RNASEH1: variants seen among roughly 807,000 people sequenced by gnomAD.
RNASEH1 encodes the protein ribonuclease H type II.
A neutral mutation model predicts 34.6 loss-of-function variants in RNASEH1; 27 were observed. That is an observed-to-expected ratio of 0.78 (90% CI 0.58 to 1.08). RNASEH1 has a LOEUF of 1.08. Ranked by LOEUF, RNASEH1 falls within the 50% of genes least tolerant of loss-of-function variation. The probability of loss-of-function intolerance (pLI) is 0.00; values close to 1 mark genes in which losing one functional copy is unlikely to be tolerated. For synonymous variants in RNASEH1, 162 were observed against 138.4 expected (o/e 1.17, Z -1.20); for missense variants, 349 against 373.6 (o/e 0.93, Z 0.54).
chr2:3,558,016 C>G lies in RNASEH1; in HGVS notation c.128+117G>C, dbSNP rs1660706930. Reference sequence around the variant, plus strand: ...GAGGCGGTCCCCCGACCACCCACAGCCACAGCGCGCGGCACAGACTCGGAC... The same window carrying G: ...GAGGCGGTCCCCCGACCACCCACAGGCACAGCGCGCGGCACAGACTCGGAC... On this transcript the variant is annotated intron_variant, in intron 1 of 7. Coordinates refer to ENST00000315212, the MANE Select transcript of RNASEH1 (RefSeq NM_002936.6). 3.0e-5 allele frequency: 44 copies of G among 1,483,156 alleles called. No individual in the cohort carries two copies. In the South Asian group the frequency reaches 5.5e-4, roughly 18 times the overall value. The allele number at this position is 1,483,156 out of a possible 1,614,324, so 91.9% of individuals were successfully genotyped here. A position where few individuals can be genotyped will look rare whatever the true frequency, so the allele number is the denominator to read the frequency against.
In RNASEH1 at chr2:3,545,729, A is replaced by G; in HGVS notation, c.*56T>C. 1 of 1,188,384 alleles carries G rather than the reference A, an allele frequency of 8.4e-7. No individual in the cohort carries two copies. Among genetic ancestry groups the G allele is most frequent in the Non-Finnish European group, 1.3e-6 (1 of 791,214 alleles). 73.6% of individuals were successfully genotyped at this position (1,188,384 alleles called of 1,614,324 possible). A position where few individuals can be genotyped will look rare whatever the true frequency, so the allele number is the denominator to read the frequency against. On this transcript the variant is annotated 3_prime_UTR_variant, in exon 8 of 8. Transcript: ENST00000315212. Reference sequence around the variant, plus strand: ...CAGGCTATTTTCCACACCAGTAAGTACAGGCAGCAAGACAGCCGCTGGCTC... The same window carrying G: ...CAGGCTATTTTCCACACCAGTAAGTGCAGGCAGCAAGACAGCCGCTGGCTC...
rs764652306 is a variant in RNASEH1 at position 3,558,297 on chromosome 2, G to A, written c.-37C>T. ...GGCACCGGGAAGCATTTCGACTCCCGGCCCAGCGTGGGCGCGAGCCGCCGG... is the reference window on the plus strand; with the variant it reads ...GGCACCGGGAAGCATTTCGACTCCCAGCCCAGCGTGGGCGCGAGCCGCCGG... On this transcript the variant is annotated 5_prime_UTR_variant, in exon 1 of 8. Coordinates refer to ENST00000315212, the MANE Select transcript of RNASEH1 (RefSeq NM_002936.6). 11 of 1,499,310 alleles carry A rather than the reference G, an allele frequency of 7.3e-6. No homozygotes were observed. The highest frequency in any genetic ancestry group is 4.3e-5 in the African/African-American group (3 of 69,362). 92.9% of individuals were successfully genotyped at this position (1,499,310 alleles called of 1,614,324 possible). A position where few individuals can be genotyped will look rare whatever the true frequency, so the allele number is the denominator to read the frequency against.
chr2:3,533,042 C>CG, the RNASEH1 span: 2 of 152,230 alleles, frequency 1.3e-5, no homozygotes. Flanking sequence ...AAATGTCACC[C>CG]GGGCCTTTTC....
intron 1 of RNASEH1, 29 bp downstream of exon 1, chr2:3,558,104 G>T: frequency 6.4e-7 from 1 of 1,572,466 alleles, no homozygotes. Flanking sequence ...ATGCCGGCAG[G>T]GAGGCGCCTC....
At position 3,550,402 on chromosome 2, in the gene RNASEH1, G is replaced by A. The variant is rs369711753; in HGVS notation, c.480C>T (p.Ile160=). The change falls in exon 4 of 8, where the codon ATC becomes ATT. Residue 160 remains isoleucine (I), a synonymous_variant. Transcript: ENST00000315212. The stretch of plus-strand genomic sequence containing the variant: ...GATGGCCTGGCCCCCAGTAAACGCC[G>A]ATTCCTGCTCGCGGCCTTCTACGCC... ...SNGRRRPRAG[I]GVYWGPGHPL... is the part of the protein sequence containing the mutation. 42 of 1,613,950 alleles carry A rather than the reference G, an allele frequency of 2.6e-5. No homozygotes were observed. The highest frequency in any genetic ancestry group is 3.3e-5 in the Admixed American group (2 of 59,998).
Position 3,548,052 on chromosome 2 carries a change from A to G in RNASEH1, c.653T>C (p.Ile218Thr). 1 of 1,614,030 alleles carries G rather than the reference A, an allele frequency of 6.2e-7. No homozygotes were observed. The highest frequency in any genetic ancestry group is 8.5e-7 in the Non-Finnish European group (1 of 1,179,950). ...CTTCCAACCTTGAACCCAGTTAGTT[A>G]TACCTACAAAAATGCACGATCACTG... ...YTDSMFTING[I>T]TNWVQGWKKN... Residue 218 changes from isoleucine to threonine, a missense_variant, in exon 7 of 8, where the codon ATA (isoleucine) becomes ACA (threonine). Physicochemically the swap from Ile to Thr is moderately conservative, Grantham distance 89. This residue lies in a region of RNASEH1 where 93 missense variants were observed against 132.9 expected (regional missense o/e 0.70). Transcript: ENST00000315212.
Position 3,544,395 on chromosome 2 carries a change from T to C in RNASEH1, c.*1390A>G, listed in dbSNP as rs915696481. Among the ~76,000 whole-genome samples, 6 of 152,168 alleles carry C rather than the reference T, an allele frequency of 3.9e-5. No homozygotes were observed. Among genetic ancestry groups the C allele is most frequent in the African/African-American group, 1.4e-4 (6 of 41,434 alleles). On this transcript the variant is annotated 3_prime_UTR_variant, in exon 8 of 8. Transcript: ENST00000315212. ...GCCATGGGACAAACAGCCCAGGCTC[T>C]TCAACAGATAAACGGCAGGGAAAAC... is the stretch of plus-strand genomic sequence containing the variant.
the RNASEH1 span, among the ~76,000 whole-genome samples, chr2:3,535,284 G>A: frequency 1.1e-4 from 16 of 152,138 alleles, no homozygotes; most frequent in South Asian, 8.3e-4. Context: ...TAAAAAGCCA[G>A]GCGTGGTGGT....
chr2:3,545,972 G>A (rs1376264486), intron 7 of RNASEH1, 101 bp from the exon 8 acceptor site: 7 of 816,012 alleles, frequency 8.6e-6, no homozygotes, highest in Non-Finnish European at 1.5e-5. Flanking sequence ...AGACTGCACA[G>A]CATAAGCTCA....
At chr2:3,534,479 C>A in the RNASEH1 span, among the ~76,000 whole-genome samples, 1 of 152,112 alleles carries the variant, frequency 6.6e-6, no homozygotes, top group Non-Finnish European at 1.5e-5. Flanking sequence ...GTGGTGGGAA[C>A]GGTTGAGCTG....
chr2:3,545,675 T>C lies in RNASEH1; in HGVS notation c.*110A>G. On this transcript the variant is annotated 3_prime_UTR_variant, in exon 8 of 8. Transcript: ENST00000315212. ...TGCCTGATTCCGTGTGAAAGACGCATCTGCCCATCACTGCAATGGTCCTAC... is the reference window on the plus strand; with the variant it reads ...TGCCTGATTCCGTGTGAAAGACGCACCTGCCCATCACTGCAATGGTCCTAC... 2 of 740,520 alleles carry C rather than the reference T, an allele frequency of 2.7e-6. No homozygotes were observed. The highest frequency in any genetic ancestry group is 2.9e-5 in the South Asian group (2 of 69,040). 45.9% of individuals were successfully genotyped at this position (740,520 alleles called of 1,614,324 possible). A position where few individuals can be genotyped will look rare whatever the true frequency, so the allele number is the denominator to read the frequency against.
In RNASEH1 at chr2:3,558,295, C is replaced by T; in HGVS notation, c.-35G>A. 2 of 1,509,242 alleles carry T rather than the reference C, an allele frequency of 1.3e-6. No individual in the cohort carries two copies. Among genetic ancestry groups the T allele is most frequent in the South Asian group, 1.3e-5 (1 of 78,094 alleles). The allele number at this position is 1,509,242 out of a possible 1,614,324, so 93.5% of individuals were successfully genotyped here. A position where few individuals can be genotyped will look rare whatever the true frequency, so the allele number is the denominator to read the frequency against. On this transcript the variant is annotated 5_prime_UTR_variant, in exon 1 of 8. Coordinates refer to ENST00000315212, the MANE Select transcript of RNASEH1 (RefSeq NM_002936.6). ...CCGGCACCGGGAAGCATTTCGACTC[C>T]CGGCCCAGCGTGGGCGCGAGCCGCC...
chr2:3,542,582 T>C lies in RNASEH1; in HGVS notation c.*3203A>G, dbSNP rs145077925. Among the ~76,000 whole-genome samples, 31 of 152,296 alleles carry C rather than the reference T, an allele frequency of 2.0e-4. No individual in the cohort carries two copies. The East Asian group carries it at 5.8e-3, about 28-fold the overall frequency. Reference sequence around the variant, plus strand: ...ACACACAGAAATGAGTCAATGGTGGTAAAAAGGAGCAATTTTTCTGACAAC... The same window carrying C: ...ACACACAGAAATGAGTCAATGGTGGCAAAAAGGAGCAATTTTTCTGACAAC... On this transcript the variant is annotated 3_prime_UTR_variant, in exon 8 of 8. Coordinates refer to ENST00000315212, the MANE Select transcript of RNASEH1 (RefSeq NM_002936.6).
At chr2:3,540,280 T>C (rs1668223898), downstream of RNASEH1, among the ~76,000 whole-genome samples, 1 of 151,466 alleles carries the variant, frequency 6.6e-6, no homozygotes, top group South Asian at 2.1e-4. Flanking sequence ...AGCTGATTTT[T>C]TGATTCTCAG....
chr2:3,533,541 G>A, the RNASEH1 span: 26 of 152,408 alleles, frequency 1.7e-4, no homozygotes, highest in East Asian at 4.8e-3. Flanking sequence ...AGGAAGGTGA[G>A]CCAGGAGTTG....
the RNASEH1 span, among the ~76,000 whole-genome samples, chr2:3,535,757 G>A: frequency 6.6e-6 from 1 of 152,236 alleles, no homozygotes; most frequent in African/African-American, 2.4e-5. Flanking sequence ...GACATGGTTT[G>A]AAAGTGCCAT....
chr2:3,537,182 T>C (rs1668030714), downstream of RNASEH1, among the ~76,000 whole-genome samples: 1 of 152,178 alleles, frequency 6.6e-6, no homozygotes, highest in Non-Finnish European at 1.5e-5. Context: ...CTACATATTA[T>C]ACGAATCTCA....
chr2:3,552,813 T>G (rs377741233), intron 2 of RNASEH1, among the ~76,000 whole-genome samples: 11 of 151,890 alleles, frequency 7.2e-5, no homozygotes, highest in African/African-American at 2.7e-4. Context: ...CCGGCCAACA[T>G]AGTGAGACCC....
chr2:3,540,792 T>TC (rs1457970965), downstream of RNASEH1, among the ~76,000 whole-genome samples: 7 of 152,142 alleles, frequency 4.6e-5, no homozygotes, highest in African/African-American at 1.7e-4. Flanking sequence ...TGGTTCAATT[T>TC]TTTTTTTTTT....
Sources: allele counts gnomAD v4.1 joint callset (sites outside exome capture counted in the v4.1 genomes callset), GRCh38; gene constraint gnomAD v4.1.1; regional missense constraint gnomAD v4.1.1; transcripts MANE v1.5; gene names NCBI Gene and HGNC (gene_info 2026-07-23, HGNC 2026-07-21).